KDM2A: variants seen among roughly 807,000 people sequenced by gnomAD.
KDM2A encodes the protein lysine demethylase 2A, also known as lysine-specific demethylase 2A.
In KDM2A, 3 loss-of-function variants were observed where a neutral mutation model predicts 137.3. The ratio of observed to expected loss-of-function variants is 0.02; its 90% confidence interval spans 0.01 to 0.06. The LOEUF is 0.06. KDM2A is among the 10% of genes least tolerant of loss of function. The pLI is 1.00. For missense variants in KDM2A, 738 were observed against 1,510.6 expected, an observed-to-expected ratio of 0.49 and a Z score of 8.48; for synonymous variants, 512 against 541.5, an observed-to-expected ratio of 0.95 and a Z score of 0.76.
chr11:67,125,788 A>T (rs1286339268), intron 2 of KDM2A, among the ~76,000 whole-genome samples: 1 of 151,310 alleles, frequency 6.6e-6, no homozygotes, highest in Non-Finnish European at 1.5e-5. Flanking sequence ...CAAAAAAAAA[A>T]AAAAAATTAG....
intron 15 of KDM2A, among the ~76,000 whole-genome samples, chr11:67,247,840 A>G (rs1859297558): frequency 6.6e-6 from 1 of 152,230 alleles, no homozygotes; most frequent in Non-Finnish European, 1.5e-5. Context: ...ATAGGGTATT[A>G]ATTCCATGAT....
chr11:67,127,248 A>G (rs545299615), intron 2 of KDM2A, among the ~76,000 whole-genome samples: 1 of 152,204 alleles, frequency 6.6e-6, no homozygotes, highest in South Asian at 2.1e-4. Flanking sequence ...TGCATGTGCC[A>G]CCATGCCTGG....
At chr11:67,130,480 G>A (rs981709984) in intron 2 of KDM2A, among the ~76,000 whole-genome samples, 5 of 152,128 alleles carry the variant, frequency 3.3e-5, no homozygotes, top group Admixed American at 2.6e-4. Flanking sequence ...CCTAAACTGT[G>A]CCTAGGTTTT....
chr11:67,158,761 T>C (rs1856574958), intron 2 of KDM2A, among the ~76,000 whole-genome samples: 1 of 152,170 alleles, frequency 6.6e-6, no homozygotes, highest in Non-Finnish European at 1.5e-5. Context: ...AGTGCTCGTA[T>C]TATAGGCGTG....
intron 12 of KDM2A, among the ~76,000 whole-genome samples, chr11:67,236,376 T>C (rs1487183896): frequency 6.6e-6 from 1 of 152,166 alleles, no homozygotes; most frequent in African/African-American, 2.4e-5. Flanking sequence ...GTGATCTGCC[T>C]GTCTAGGCCT....
At chr11:67,140,405 C>T (rs953934137) in intron 2 of KDM2A, among the ~76,000 whole-genome samples, 1 of 151,460 alleles carries the variant, frequency 6.6e-6, no homozygotes, top group Non-Finnish European at 1.5e-5. Flanking sequence ...GAATATAGGT[C>T]GGAAGACCAC....
chr11:67,215,748 A>AT (rs1858141087), intron 7 of KDM2A, 108 bp from the exon 8 acceptor site: 1 of 799,754 alleles, frequency 1.3e-6, no homozygotes. Flanking sequence ...GGAACTTAAG[A>AT]TTAAGTGGAA....
At chr11:67,232,930 G>A (rs776550109) in intron 12 of KDM2A, among the ~76,000 whole-genome samples, 3 of 151,610 alleles carry the variant, frequency 2.0e-5, no homozygotes, top group Non-Finnish European at 4.4e-5. Flanking sequence ...GGCTGGTCTC[G>A]AACTCTTGAC....
rs375753382 is a variant in KDM2A at position 67,156,353 on chromosome 11, G to A, written c.43-23726G>A. Among the ~76,000 whole-genome samples, 53 of 152,232 alleles carry A rather than the reference G, an allele frequency of 3.5e-4. 2 individuals are homozygous for A. The highest frequency in any genetic ancestry group is 1.4e-3 in the Admixed American group (22 of 15,292). On this transcript the variant is annotated intron_variant, in intron 2 of 20. Transcript: ENST00000529006. ...TAATCCCAACACTTTGGGAGGCTGA[G>A]GCAGGTGGATCATGAGGTCAGGAGA... is the stretch of plus-strand genomic sequence containing the variant.
chr11:67,167,721 T>C (rs1590741845), intron 2 of KDM2A, among the ~76,000 whole-genome samples: 2 of 152,314 alleles, frequency 1.3e-5, no homozygotes, highest in South Asian at 2.1e-4. Context: ...GTTGGAATTA[T>C]TGTGATCTAA....
chr11:67,209,251 A>G (rs932366966), intron 6 of KDM2A, among the ~76,000 whole-genome samples: 11 of 151,828 alleles, frequency 7.2e-5, no homozygotes, highest in Admixed American at 2.0e-4. Context: ...CTATTTTTGT[A>G]TTAGTAATCA....
rs1241770081 is a variant in KDM2A at position 67,250,277 on chromosome 11, C to T, written c.2247C>T (p.His749=). ...CTGGGGCTGGCCCCAGCGACCACCACAGTGCCAGCCGCGATGAGCGCTTCA... is the reference window on the plus strand; with the variant it reads ...CTGGGGCTGGCCCCAGCGACCACCATAGTGCCAGCCGCGATGAGCGCTTCA... The part of the protein sequence containing the change: ...SSPGAGPSDH[H]SASRDERFKR... Residue 749 remains histidine (H), a synonymous_variant, in exon 17 of 21, where the codon CAC becomes CAT. Coordinates refer to ENST00000529006, the MANE Select transcript of KDM2A (RefSeq NM_012308.3). This position sits in a 1 kb window ranked among gnomAD's most constrained non-coding sequence, Gnocchi z 7.1. 2 of 1,613,928 alleles carry T rather than the reference C, an allele frequency of 1.2e-6. No homozygotes were observed. The highest frequency in any genetic ancestry group is 2.2e-5 in the East Asian group (1 of 44,876).
rs187336182 is a variant in KDM2A at position 67,206,868 on chromosome 11, T to C, written c.308-642T>C. On this transcript the variant is annotated intron_variant, in intron 5 of 20. Coordinates refer to ENST00000529006, the MANE Select transcript of KDM2A (RefSeq NM_012308.3). ...TGTTATAGTTAACAAGAATCTGATA[T>C]AGATTTTCGTGTCCATCCTGGTGTC... Among the ~76,000 whole-genome samples the C allele has an allele frequency of 1.1e-4, 17 of 152,380 alleles. 2 individuals are homozygous for C. The highest frequency in any genetic ancestry group is 3.9e-4 in the East Asian group (2 of 5,192).
chr11:67,186,059 A>C (rs1195932983), intron 5 of KDM2A, among the ~76,000 whole-genome samples: 2 of 152,138 alleles, frequency 1.3e-5, no homozygotes, highest in African/African-American at 4.8e-5. Flanking sequence ...AGGAAAATAG[A>C]AAGGAGCAGA....
At chr11:67,213,190 T>G (rs1175986958) in intron 6 of KDM2A, among the ~76,000 whole-genome samples, 1 of 152,214 alleles carries the variant, frequency 6.6e-6, no homozygotes, top group East Asian at 1.9e-4. Flanking sequence ...ATGCACAACT[T>G]TATGCATTTG....
rs555313679 is a variant in KDM2A, at chr11:67,228,221, C to T, written c.1084+58C>T. 57 of 1,558,508 alleles carry T rather than the reference C, an allele frequency of 3.7e-5. 1 individual carries two copies. The African/African-American group carries it at 6.7e-4, about 18-fold the overall frequency. On this transcript the variant is annotated intron_variant, in intron 11 of 20. Transcript: ENST00000529006. ...ACCGCTTAGGTCTGAGGGTGAGGCC[C>T]GAAATACTCAGTAGGCTGTCACTCA...
chr11:67,254,071 G>A lies in KDM2A; in HGVS notation c.3092-132G>A. The A allele has an allele frequency of 1.4e-6, 1 of 698,314 alleles. No individual in the cohort carries two copies. Among genetic ancestry groups the A allele is most frequent in the Non-Finnish European group, 2.4e-6 (1 of 422,472 alleles). 43.3% of individuals were successfully genotyped at this position (698,314 alleles called of 1,614,324 possible). ...CCCAGTGCTCACACCCTGAAGGCAT[G>A]GCTGGGTGTGGGCAGTTCTACTTAA... On this transcript the variant is annotated intron_variant, in intron 19 of 20. Transcript: ENST00000529006. This position sits in a 1 kb window ranked among gnomAD's most constrained non-coding sequence, Gnocchi z 4.7.
At chr11:67,151,715 G>A (rs905095185) in intron 2 of KDM2A, among the ~76,000 whole-genome samples, 11 of 151,892 alleles carry the variant, frequency 7.2e-5, no homozygotes, top group Non-Finnish European at 1.5e-4. Flanking sequence ...TTACATTGAC[G>A]ATATATTGGA....
Position 67,196,105 on chromosome 11 carries a change from A to G in KDM2A, c.308-11405A>G, listed in dbSNP as rs1195284197. ...AGTCACACGAACATAATTGTCGGTC[A>G]TAAATTGAGGAGCAACGACATAGTC... On this transcript the variant is annotated intron_variant, in intron 5 of 20. Transcript: ENST00000529006. The G allele has an allele frequency of 1.8e-5, 7 of 392,644 alleles. No homozygotes were observed. In the Admixed American group the frequency reaches 1.9e-4, roughly 10 times the overall value. The allele number at this position is 392,644 out of a possible 1,614,324, so 24.3% of individuals were successfully genotyped here. A position where few individuals can be genotyped will look rare whatever the true frequency, so the allele number is the denominator to read the frequency against.
Sources: gnomAD v4.1 joint callset for allele counts (sites outside exome capture counted in the v4.1 genomes callset) on GRCh38, gnomAD v4.1.1 for gene constraint, Gnocchi (gnomAD v3.1) non-coding constraint, MANE v1.5 for transcripts, NCBI Gene and HGNC (gene_info 2026-07-23, HGNC 2026-07-21) for gene names.